Variants in SRRM2 observed in about 807,000 individuals in gnomAD.
The protein encoded by SRRM2 is serine/arginine repetitive matrix 2.
In SRRM2, 30 loss-of-function variants were observed where a neutral mutation model predicts 213.8. That is an observed-to-expected ratio of 0.14 (90% CI 0.10 to 0.19). SRRM2 has a LOEUF of 0.19. Among genes scored for constraint, SRRM2 ranks in the 10% least tolerant of loss-of-function variants. The probability of loss-of-function intolerance (pLI) is 1.00; values close to 1 mark genes in which losing one functional copy is unlikely to be tolerated. For synonymous variants in SRRM2, 2,025 were observed against 1,377.7 expected, an observed-to-expected ratio of 1.47 and a Z score of -10.40; for missense variants, 4,904 against 3,647.0, an observed-to-expected ratio of 1.34 and a Z score of -8.88.
intron 10 of SRRM2, 150 bp from the exon 11 acceptor site, chr16:2,761,411 T>TGATTC: frequency 1.7e-6 from 1 of 584,846 alleles, no homozygotes; most frequent in South Asian, 4.3e-5. Flanking sequence ...GTGCTTTATA[T>TGATTC]GATTCCTTGT....
chr16:2,764,190 A>T lies in SRRM2; in HGVS notation c.3662A>T (p.Glu1221Val), dbSNP rs370606216. 6.2e-7 allele frequency: 1 copy of T among 1,614,126 alleles called. No homozygotes were observed. The highest frequency in any genetic ancestry group is 1.3e-5 in the African/African-American group (1 of 74,938). ...AGAAGTGGTGCTGGGTCATCTCCAGAAACAAAAGAGCAAAATAGTGCATTG... is the reference window on the plus strand; with the variant it reads ...AGAAGTGGTGCTGGGTCATCTCCAGTAACAAAAGAGCAAAATAGTGCATTG... ...RERSGAGSSP[E>V]TKEQNSALPT... The change falls in exon 11 of 15, where the codon GAA becomes GTA. Residue 1221 changes from glutamate to valine, a missense_variant. Transcript: ENST00000301740.
chr16:2,760,124 A>G, intron 9 of SRRM2, 177 bp from the exon 10 acceptor site: 1 of 657,868 alleles, frequency 1.5e-6, no homozygotes, highest in Non-Finnish European at 2.6e-6. Context: ...TTGGGAAAAG[A>G]AGAACCAAAG....
chr16:2,757,619 TCTGGCTG>T (rs781309295), intron 3 of SRRM2, 40 bp downstream of exon 3: 15 of 1,592,594 alleles, frequency 9.4e-6, no homozygotes, highest in East Asian at 2.2e-5. Flanking sequence ...TGGACTCTAC[TCTGGCTG>T]CTGGCTGCTG....
rs2068205877 is a variant in SRRM2 at position 2,757,957 on chromosome 16, CAAGA to C, written c.515+15_515+18del. 6.3e-7 allele frequency: 1 copy of C among 1,598,762 alleles called. No homozygotes were observed. The highest frequency in any genetic ancestry group is 8.5e-7 in the Non-Finnish European group (1 of 1,172,930). On this transcript the variant is annotated intron_variant, in intron 4 of 14. Coordinates refer to ENST00000301740, the MANE Select transcript of SRRM2 (RefSeq NM_016333.4). Reference sequence around the variant, plus strand: ...CCCAAACCTTACAGGTATACAAGGCCAAGAAACCACTGTCAGCTTCTTTTCTTGA... The same window carrying C: ...CCCAAACCTTACAGGTATACAAGGCCAACCACTGTCAGCTTCTTTTCTTGA...
Position 2,766,948 on chromosome 16 carries a change from C to A in SRRM2, c.6420C>A (p.Gly2140=). 6.2e-7 allele frequency: 1 copy of A among 1,614,130 alleles called. No individual in the cohort carries two copies. The highest frequency in any genetic ancestry group is 8.5e-7 in the Non-Finnish European group (1 of 1,180,028). Residue 2140 remains glycine, a synonymous_variant, in exon 11 of 15, where the codon GGC becomes GGA. Transcript: ENST00000301740. This position sits in a 1 kb window ranked among gnomAD's most constrained non-coding sequence, Gnocchi z 7.0. ...CRSPGMLEPL[G]SSRTPMSVLQ... ...CACCTGGAATGCTTGAACCCCTTGG[C>A]AGCTCTAGAACACCCATGTCTGTCC...
Position 2,769,282 on chromosome 16 carries a change from G to C in SRRM2, c.8019G>C (p.Arg2673=), listed in dbSNP as rs553788399. The change falls in exon 12 of 15, where the codon CGG becomes CGC. Residue 2673 remains arginine (R), a splice_region_variant and synonymous_variant. Coordinates refer to ENST00000301740, the MANE Select transcript of SRRM2 (RefSeq NM_016333.4). ...CCAAGAAGCCACCCCCTGGCGAGCG[G>C]AGGTGAGTGCTGTCTTGCCTGAGTT... ...ASPKKPPPGE[R]RSRSPRKPID... 2.1e-4 allele frequency: 328 copies of C among 1,558,204 alleles called. No individual in the cohort carries two copies. The South Asian group carries it at 3.3e-3, about 16-fold the overall frequency.
Position 2,765,765 on chromosome 16 carries a change from G to T in SRRM2, c.5237G>T (p.Arg1746Leu), listed in dbSNP as rs760879886. ...AAATCGAGGTCTTCACGCCGACGGC[G>T]CTCAGCTTCATCTCCACGCACTAAG... is the stretch of plus-strand genomic sequence containing the variant. The part of the protein sequence containing the change: ...AEKSRSSRRR[R>L]SASSPRTKTT... The change falls in exon 11 of 15, where the codon CGC becomes CTC. Residue 1746 changes from arginine to leucine, a missense_variant. By Grantham distance (102) the Arg-to-Leu change is moderately radical (BLOSUM62 -2). Coordinates refer to ENST00000301740, the MANE Select transcript of SRRM2 (RefSeq NM_016333.4). 5 of 1,614,074 alleles carry T rather than the reference G, an allele frequency of 3.1e-6. No individual in the cohort carries two copies. The highest frequency in any genetic ancestry group is 4.2e-6 in the Non-Finnish European group (5 of 1,180,036).
chr16:2,760,624 T>A, intron 10 of SRRM2, 125 bp downstream of exon 10: 1 of 1,032,270 alleles, frequency 9.7e-7, no homozygotes, highest in Non-Finnish European at 1.4e-6. Context: ...TTCCTGCATT[T>A]CTCTCCTAGT....
intron 12 of SRRM2, chr16:2,769,631 C>T: frequency 1.7e-6 from 1 of 582,938 alleles, no homozygotes; most frequent in Non-Finnish European, 3.2e-6. Flanking sequence ...TCCACAGCCT[C>T]CTCCCTGTCT....
At chr16:2,761,183 G>T (rs1208416794) in intron 10 of SRRM2, among the ~76,000 whole-genome samples, 6 of 152,110 alleles carry the variant, frequency 3.9e-5, no homozygotes, top group Non-Finnish European at 8.8e-5. Context: ...CTTTATTCAT[G>T]CTGTTTCTTT....
intron 8 of SRRM2, 80 bp from the exon 9 acceptor site, chr16:2,759,489 G>C (rs548087176): frequency 6.2e-7 from 1 of 1,601,126 alleles, no homozygotes; most frequent in Non-Finnish European, 8.6e-7. Context: ...TCCCTGACTG[G>C]TAAAGGGTTG....
At chr16:2,761,379 A>G (rs2068341190) in intron 10 of SRRM2, among the ~76,000 whole-genome samples, 182 bp from the exon 11 acceptor site, 1 of 152,198 alleles carries the variant, frequency 6.6e-6, no homozygotes, top group African/African-American at 2.4e-5. Context: ...GGCTATCCAT[A>G]TATTCATATG....
chr16:2,766,007 C>T lies in SRRM2; in HGVS notation c.5479C>T (p.Arg1827Trp), dbSNP rs776029334. The change falls in exon 11 of 15, where the codon CGG becomes TGG. Residue 1827 changes from arginine to tryptophan, a missense_variant. Physicochemically the swap from Arg to Trp is moderately radical, Grantham distance 101. Coordinates refer to ENST00000301740, the MANE Select transcript of SRRM2 (RefSeq NM_016333.4). The surrounding 1 kb of genome is among the most constrained non-coding windows in gnomAD (Gnocchi z 7.0). ...GSGYHSRSPA[R>W]QESSRTSSRR... The stretch of plus-strand genomic sequence containing the variant: ...TGGTTATCACTCAAGGTCACCTGCC[C>T]GGCAGGAAAGTTCCCGGACCTCCTC... 54 of 1,613,952 alleles carry T rather than the reference C, an allele frequency of 3.3e-5. No homozygotes were observed. The highest frequency in any genetic ancestry group is 1.6e-4 in the Middle Eastern group (1 of 6,084).
At chr16:2,755,637 A>G (rs1596259510) in intron 1 of SRRM2, among the ~76,000 whole-genome samples, 1 of 152,298 alleles carries the variant, frequency 6.6e-6, no homozygotes, top group South Asian at 2.1e-4. Flanking sequence ...AATCAAGGAA[A>G]TGGCCCTTAC....
At chr16:2,758,664 G>A in intron 5 of SRRM2, 117 bp downstream of exon 5, 1 of 1,027,560 alleles carries the variant, frequency 9.7e-7, no homozygotes, top group South Asian at 1.4e-5. Context: ...TCAGGGAGGA[G>A]GGAGTTACCA....
Position 2,769,117 on chromosome 16 carries a change from TTCCTCC to T in SRRM2, c.7872_7877del (p.Ser2647_Ser2648del), listed in dbSNP as rs531076704. The T allele has an allele frequency of 3.5e-4, 564 of 1,611,524 alleles. No individual in the cohort carries two copies. The highest frequency in any genetic ancestry group is 5.8e-4 in the East Asian group (26 of 44,846). The stretch of plus-strand genomic sequence containing the variant: ...CCAGTTCCAGCTCCTCCTCTTCATC[TTCCTCC>T]TCCTCCTCCTCCTCCTCTTCTTCCT... On this transcript the variant is annotated inframe_deletion, in exon 12 of 15. Coordinates refer to ENST00000301740, the MANE Select transcript of SRRM2 (RefSeq NM_016333.4).
In SRRM2 at chr16:2,765,708, G is replaced by T; in HGVS notation, c.5180G>T (p.Ser1727Ile). 1.2e-6 allele frequency: 2 copies of T among 1,614,168 alleles called. No homozygotes were observed. Among genetic ancestry groups the T allele is most frequent in the Non-Finnish European group, 1.7e-6 (2 of 1,180,040 alleles). The change falls in exon 11 of 15, where the codon AGT becomes ATT. Residue 1727 changes from serine (S) to isoleucine (I), a missense_variant. Transcript: ENST00000301740. Reference protein sequence around the residue: ...RSRTPPRHRRSPSVSSPEPAE... With the variant: ...RSRTPPRHRRIPSVSSPEPAE... ...AGAACTCCCCCAAGGCACCGGAGAA[G>T]TCCCTCAGTGTCTTCCCCGGAGCCA...
In SRRM2 at chr16:2,762,552, C is replaced by G. The variant is rs1273830765; in HGVS notation, c.2024C>G (p.Ala675Gly). Residue 675 changes from alanine to glycine, a missense_variant, in exon 11 of 15, where the codon GCT becomes GGT. Transcript: ENST00000301740. ...GGCCGCTCACGCTCTAGAACCCCAGCTAGACGCAGTGGTCGCTCACGCTCC... is the reference window on the plus strand; with the variant it reads ...GGCCGCTCACGCTCTAGAACCCCAGGTAGACGCAGTGGTCGCTCACGCTCC... ...RRGRSRSRTP[A>G]RRSGRSRSRT... 1 of 1,613,960 alleles carries G rather than the reference C, an allele frequency of 6.2e-7. No individual in the cohort carries two copies. The highest frequency in any genetic ancestry group is 1.3e-5 in the African/African-American group (1 of 74,882).
Position 2,761,768 on chromosome 16 carries a change from C to A in SRRM2, c.1240C>A (p.Gln414Lys), listed in dbSNP as rs1286442149. 1.2e-6 allele frequency: 2 copies of A among 1,613,552 alleles called. No individual in the cohort carries two copies. Among genetic ancestry groups the A allele is most frequent in the African/African-American group, 2.7e-5 (2 of 74,988 alleles). The change falls in exon 11 of 15, where the codon CAG (glutamine) becomes AAG (lysine). Residue 414 changes from glutamine to lysine, a missense_variant. Coordinates refer to ENST00000301740, the MANE Select transcript of SRRM2 (RefSeq NM_016333.4). ...SPPKSPEKLP[Q>K]SSSSESSPPS... ...ACCTAAGTCTCCCGAGAAACTTCCC[C>A]AGTCTTCTTCCTCAGAGAGCAGCCC...
Sources: gnomAD v4.1 joint callset for allele counts (sites outside exome capture counted in the v4.1 genomes callset) on GRCh38, gnomAD v4.1.1 for gene constraint, Gnocchi (gnomAD v3.1) non-coding constraint, MANE v1.5 for transcripts, NCBI Gene and HGNC (gene_info 2026-07-23, HGNC 2026-07-21) for gene names.